Variants in NAV1 observed in about 807,000 individuals in gnomAD.
NAV1 encodes pore membrane and/or filament interacting like protein 3.
NAV1 carries 18 observed loss-of-function variants against 175.2 expected under a neutral mutation model. The ratio of observed to expected loss-of-function variants is 0.10; its 90% CI spans 0.07 to 0.15. NAV1 has a LOEUF of 0.15. Among genes scored for constraint, NAV1 ranks in the 10% least tolerant of loss-of-function variants. The pLI, the probability that NAV1 is intolerant of heterozygous loss-of-function variation, is 1.00. For synonymous variants in NAV1, 897 were observed against 978.7 expected, an observed-to-expected ratio of 0.92 and a Z score of 1.56; for missense variants, 1,731 against 2,436.6, an observed-to-expected ratio of 0.71 and a Z score of 6.10.
chr1:201,820,415 C>G (rs1022350034), exon 30 of NAV1: 1 of 152,964 alleles, frequency 6.5e-6, no homozygotes, highest in African/African-American at 2.4e-5. Flanking sequence ...CCAACAACTC[C>G]TCCCCCAGAG....
chr1:201,756,527 T>C (rs1674473095), intron 3 of NAV1, among the ~76,000 whole-genome samples: 1 of 152,218 alleles, frequency 6.6e-6, no homozygotes, highest in Non-Finnish European at 1.5e-5. Flanking sequence ...TCTGGCCAAA[T>C]AGACTGATGG....
At chr1:201,738,155 A>G (rs1673196584) in intron 3 of NAV1, among the ~76,000 whole-genome samples, 1 of 151,898 alleles carries the variant, frequency 6.6e-6, no homozygotes, top group African/African-American at 2.4e-5. Context: ...GAGCTGGTGC[A>G]TCTTTTCTAA....
chr1:201,684,829 G>A (rs947307582), intron 1 of NAV1, among the ~76,000 whole-genome samples: 2 of 151,618 alleles, frequency 1.3e-5, no homozygotes, highest in African/African-American at 4.8e-5. Context: ...TGGGTGTGGT[G>A]GCGAGCGCCT....
At position 201,788,807 on chromosome 1, in the gene NAV1, C is replaced by G. The variant is rs1356595394; in HGVS notation, c.3166+169C>G. 6.6e-6 allele frequency among the ~76,000 whole-genome samples: 1 copy of G among 152,102 alleles called. No individual in the cohort carries two copies. Among genetic ancestry groups the G allele is most frequent in the Admixed American group, 6.5e-5 (1 of 15,268 alleles). ...CCATCCCTTTGAAGGGTCTGGGGAC[C>G]CAGAAACCTTGGGTGGCACATCTAG... is the stretch of plus-strand genomic sequence containing the variant. On this transcript the variant is annotated intron_variant, in intron 10 of 29. Transcript: ENST00000367296. This position sits in a 1 kb window ranked among gnomAD's most constrained non-coding sequence, Gnocchi z 5.7.
At chr1:201,795,570 C>A (rs1019863760) in intron 15 of NAV1, 10 of 152,236 alleles carry the variant, frequency 6.6e-5, no homozygotes, top group African/African-American at 2.4e-4. Flanking sequence ...TATGTTCTAA[C>A]TATAATCTTA....
chr1:201,627,510 T>C (rs540507851), intron 1 of NAV1, among the ~76,000 whole-genome samples: 1 of 151,430 alleles, frequency 6.6e-6, no homozygotes, highest in African/African-American at 2.4e-5. Flanking sequence ...TGACTTCAAG[T>C]GATCCATCCG....
rs187454075 is a variant in NAV1 at position 201,807,521 on chromosome 1, G to A, written c.3649-432G>A. On this transcript the variant is annotated intron_variant, in intron 17 of 29. Transcript: ENST00000367296. The surrounding 1 kb of genome is among the most constrained non-coding windows in gnomAD (Gnocchi z 5.4). ...CTGCAGAAGGTGGGATTGGATCACT[G>A]AGCTGTATACCATGTGACCTCTGGG... is the stretch of plus-strand genomic sequence containing the variant. Among the ~76,000 whole-genome samples the A allele has an allele frequency of 3.3e-5, 5 of 152,298 alleles. No homozygotes were observed. Among genetic ancestry groups the A allele is most frequent in the East Asian group, 1.9e-4 (1 of 5,190 alleles).
intron 1 of NAV1, among the ~76,000 whole-genome samples, chr1:201,566,703 T>C (rs1015116429): frequency 5.9e-5 from 9 of 152,136 alleles, no homozygotes; most frequent in African/African-American, 2.2e-4. Flanking sequence ...TTTTTCTTCC[T>C]GATTAACAAA....
At chr1:201,581,421 G>C (rs749874031) in intron 1 of NAV1, among the ~76,000 whole-genome samples, 1 of 152,246 alleles carries the variant, frequency 6.6e-6, no homozygotes, top group Non-Finnish European at 1.5e-5. Flanking sequence ...TGTGTTGACT[G>C]TGCGGAGTCT....
intron 1 of NAV1, among the ~76,000 whole-genome samples, chr1:201,657,527 A>G (rs1324191647): frequency 6.6e-6 from 1 of 152,172 alleles, no homozygotes; most frequent in African/African-American, 2.4e-5. Context: ...CTTTGGAACA[A>G]GACCTGATAG....
At chr1:201,696,834 G>A (rs1197141473) in intron 1 of NAV1, among the ~76,000 whole-genome samples, 1 of 152,126 alleles carries the variant, frequency 6.6e-6, no homozygotes, top group East Asian at 1.9e-4. Flanking sequence ...CTATAAAATC[G>A]GAGTACTCAT....
chr1:201,648,874 C>A, exon 1 of NAV1: 1 of 1,612,446 alleles, frequency 6.2e-7, no homozygotes, highest in Non-Finnish European at 8.5e-7. Flanking sequence ...GTCTTCAAGT[C>A]CGGCAGCGTG....
At chr1:201,664,707 G>T (rs1669746544) in intron 1 of NAV1, among the ~76,000 whole-genome samples, 1 of 152,178 alleles carries the variant, frequency 6.6e-6, no homozygotes, top group Non-Finnish European at 1.5e-5. Flanking sequence ...GGAAACATGG[G>T]TCTTGCCTCA....
chr1:201,811,850 A>G, intron 25 of NAV1, 53 bp from the exon 30 acceptor site: 1 of 1,612,980 alleles, frequency 6.2e-7, no homozygotes, highest in Non-Finnish European at 8.5e-7. Flanking sequence ...ATGTGGCAGA[A>G]AGCAAGTGTG....
At chr1:201,790,522 CTCTT>C (rs750411032) in intron 11 of NAV1, 28 bp from the exon 16 acceptor site, 14 of 1,613,714 alleles carry the variant, frequency 8.7e-6, no homozygotes, top group Non-Finnish European at 1.2e-5. Flanking sequence ...TCCTTTCTCT[CTCTT>C]TCTCTCCTTC....
chr1:201,691,795 C>T (rs551307224), intron 1 of NAV1, among the ~76,000 whole-genome samples: 2 of 152,178 alleles, frequency 1.3e-5, no homozygotes, highest in Non-Finnish European at 2.9e-5. Context: ...ACAACTCCGT[C>T]CTGATAAACA....
At position 201,788,779 on chromosome 1, in the gene NAV1, TC is replaced by T; in HGVS notation, c.3166+145del. On this transcript the variant is annotated intron_variant, in intron 10 of 29. Transcript: ENST00000367296. The surrounding 1 kb of genome is among the most constrained non-coding windows in gnomAD (Gnocchi z 5.7). ...CAAGTTGGGCCATTTCAGTTTTTTC[TC>T]CCCATCCCTTTGAAGGGTCTGGGGA... 2 of 1,035,358 alleles carry T rather than the reference TC, an allele frequency of 1.9e-6. No individual in the cohort carries two copies. Among genetic ancestry groups the T allele is most frequent in the Non-Finnish European group, 1.4e-6 (1 of 728,248 alleles). The allele number at this position is 1,035,358 out of a possible 1,614,324, so 64.1% of individuals were successfully genotyped here.
Position 201,643,097 on chromosome 1 carries a change from CTCTTTCTT to C in NAV1, c.5-5524_5-5517del, listed in dbSNP as rs375426123. Among the ~76,000 whole-genome samples the C allele has an allele frequency of 1.0e-2, 1,487 of 148,772 alleles. 21 individuals carry two copies. Among genetic ancestry groups the C allele is most frequent in the East Asian group, 0.039 (200 of 5,090 alleles). ...CCTCTTTCTCTCTTTCTTTCTTTTT[CTCTTTCTT>C]TCTTTCTTTCTTCCTTCCTTCCTTC... is the stretch of plus-strand genomic sequence containing the variant. On this transcript the variant is annotated intron_variant, in intron 2 of 29. Transcript: ENST00000367302.
At chr1:201,681,568 C>T (rs1456279341) in intron 1 of NAV1, among the ~76,000 whole-genome samples, 1 of 152,220 alleles carries the variant, frequency 6.6e-6, no homozygotes, top group Non-Finnish European at 1.5e-5. Context: ...CCTTGCTCTC[C>T]CCCGAGTCAG....
Sources: gnomAD v4.1 joint callset for allele counts (sites outside exome capture counted in the v4.1 genomes callset) on GRCh38, gnomAD v4.1.1 for gene constraint, Gnocchi (gnomAD v3.1) non-coding constraint, MANE v1.5 for transcripts, NCBI Gene and HGNC (gene_info 2026-07-23, HGNC 2026-07-21) for gene names.